The following KCNN3 variants were observed in gnomAD, a reference collection of about 807,000 sequenced individuals.
The protein encoded by KCNN3 is potassium calcium-activated channel subfamily N member 3, also known as small conductance calcium-activated potassium channel protein 3.
Under a neutral mutation model 62.9 loss-of-function variants are expected in KCNN3, and 16 were observed. The observed-to-expected ratio is 0.25, with a 90% CI of 0.17 to 0.39. KCNN3 has a LOEUF of 0.39. Among genes scored for constraint, KCNN3 ranks in the 10% least tolerant of loss-of-function variants. KCNN3 has a pLI of 1.00. For synonymous variants in KCNN3, 370 were observed against 389.2 expected (o/e 0.95, Z 0.58); for missense variants, 599 against 949.4 (o/e 0.63, Z 4.85).
rs1347701867 is a variant in KCNN3, at chr1:154,870,104, G to T, written c.-140C>A. On this transcript the variant is annotated 5_prime_UTR_variant, in exon 1 of 8. Transcript: ENST00000271915. ...TCCAGTCCTCTCTTTGGCTTGCTTC[G>T]GTTCTCTGGGGCTGCCTGGAGTCCA... is the stretch of plus-strand genomic sequence containing the variant. 3 of 987,352 alleles carry T rather than the reference G, an allele frequency of 3.0e-6. No individual in the cohort carries two copies. Among genetic ancestry groups the T allele is most frequent in the African/African-American group, 1.6e-5 (1 of 62,176 alleles). The allele number at this position is 987,352 out of a possible 1,614,324, so 61.2% of individuals were successfully genotyped here. A position where few individuals can be genotyped will look rare whatever the true frequency, so the allele number is the denominator to read the frequency against.
chr1:154,714,753 A>G lies in KCNN3; in HGVS notation c.1829+123T>C. On this transcript the variant is annotated intron_variant, in intron 6 of 7. Transcript: ENST00000271915. ...GTGCAGTCAGTGAGTGATCAGACCC[A>G]GTTCACCACTCCACTTGTTGAGTGG... 2.2e-6 allele frequency: 3 copies of G among 1,356,058 alleles called. No homozygotes were observed. In the Admixed American group the frequency reaches 5.1e-5, roughly 23 times the overall value. 84.0% of individuals were successfully genotyped at this position (1,356,058 alleles called of 1,614,324 possible).
chr1:154,720,582 TC>T (rs1553227544), intron 5 of KCNN3, among the ~76,000 whole-genome samples: 22 of 152,266 alleles, frequency 1.4e-4, no homozygotes, highest in Non-Finnish European at 3.1e-4. Flanking sequence ...AAGAAAATTT[TC>T]TTCTAGCAAG....
At chr1:154,843,596 G>A (rs1378593935) in intron 1 of KCNN3, among the ~76,000 whole-genome samples, 5 of 152,188 alleles carry the variant, frequency 3.3e-5, no homozygotes, top group Non-Finnish European at 5.9e-5. Flanking sequence ...CAAGGTTAGC[G>A]AGTATGCAGG....
intron 1 of KCNN3, among the ~76,000 whole-genome samples, chr1:154,851,602 C>A (rs1220129592): frequency 6.6e-6 from 1 of 152,196 alleles, no homozygotes; most frequent in Non-Finnish European, 1.5e-5. Flanking sequence ...CCCTTTCTCT[C>A]ACCACTGCCT....
chr1:154,795,403 C>T (rs1346299610), intron 2 of KCNN3, among the ~76,000 whole-genome samples: 3 of 152,174 alleles, frequency 2.0e-5, no homozygotes, highest in Admixed American at 6.5e-5. Flanking sequence ...GTGGTAGTGT[C>T]GAGTCCCCCA....
intron 5 of KCNN3, among the ~76,000 whole-genome samples, chr1:154,720,881 G>A (rs988296471): frequency 9.9e-5 from 15 of 152,248 alleles, no homozygotes; most frequent in East Asian, 3.9e-4. Flanking sequence ...GCGGGCATGC[G>A]TGAACAGCCA....
intron 1 of KCNN3, among the ~76,000 whole-genome samples, chr1:154,826,599 CT>C (rs1651144718): frequency 6.6e-6 from 1 of 151,712 alleles, no homozygotes; most frequent in Non-Finnish European, 1.5e-5. Flanking sequence ...CCACGCCTTG[CT>C]GGCCCTCCAA....
At chr1:154,788,519 C>A (rs1649380308) in intron 2 of KCNN3, among the ~76,000 whole-genome samples, 1 of 152,194 alleles carries the variant, frequency 6.6e-6, no homozygotes, top group African/African-American at 2.4e-5. Flanking sequence ...CTGGGAAATG[C>A]AGGGTGTGAG....
intron 2 of KCNN3, among the ~76,000 whole-genome samples, chr1:154,787,220 G>A (rs546502012): frequency 1.6e-4 from 25 of 152,360 alleles, no homozygotes; most frequent in Admixed American, 1.2e-3. Context: ...GGCCCACTCC[G>A]CTCCCCCACT....
At chr1:154,712,095 AG>A (rs2101760034) in intron 7 of KCNN3, among the ~76,000 whole-genome samples, 1 of 152,274 alleles carries the variant, frequency 6.6e-6, no homozygotes, top group African/African-American at 2.4e-5. Flanking sequence ...CTTAAACAGA[AG>A]GACAGAGAAG....
chr1:154,722,176 T>C (rs1253590466), intron 5 of KCNN3, among the ~76,000 whole-genome samples: 1 of 152,164 alleles, frequency 6.6e-6, no homozygotes, highest in Non-Finnish European at 1.5e-5. Context: ...TTTGAGTATT[T>C]TCTATGATTA....
intron 1 of KCNN3, among the ~76,000 whole-genome samples, chr1:154,868,657 G>T (rs1395817605): frequency 6.6e-6 from 1 of 152,108 alleles, no homozygotes; most frequent in African/African-American, 2.4e-5. Flanking sequence ...TTATGCTTTA[G>T]TACGAGTGAG....
At chr1:154,852,239 G>A (rs1391277863) in intron 1 of KCNN3, among the ~76,000 whole-genome samples, 2 of 143,422 alleles carry the variant, frequency 1.4e-5, no homozygotes, top group Non-Finnish European at 3.2e-5. Flanking sequence ...GGGAGTCAGG[G>A]TCTTGCTCTG....
At chr1:154,716,266 CTTA>C (rs1196444163) in intron 5 of KCNN3, among the ~76,000 whole-genome samples, 1 of 152,234 alleles carries the variant, frequency 6.6e-6, no homozygotes, top group Non-Finnish European at 1.5e-5. Flanking sequence ...GAAAACATTC[CTTA>C]TTAAGCACAT....
At chr1:154,725,372 A>T (rs1419748599) in intron 5 of KCNN3, among the ~76,000 whole-genome samples, 1 of 152,170 alleles carries the variant, frequency 6.6e-6, no homozygotes, top group Admixed American at 6.5e-5. Flanking sequence ...TATTAATTAA[A>T]TTACCAGGAA....
chr1:154,756,160 A>AAGAAG lies in KCNN3; in HGVS notation c.1448+15810_1448+15814dup, dbSNP rs145867159. On this transcript the variant is annotated intron_variant, in intron 3 of 7. Coordinates refer to ENST00000271915, the MANE Select transcript of KCNN3 (RefSeq NM_002249.6). ...GAAGAGGAGGAAGAAGAAGGAGGAG[A>AAGAAG]AGAAGAAGAGAAGAAGAGGTGGAGG... 6.1e-4 allele frequency among the ~76,000 whole-genome samples: 72 copies of AAGAAG among 117,808 alleles called. 1 individual carries two copies. The highest frequency in any genetic ancestry group is 1.0e-3 in the Non-Finnish European group (59 of 57,536). The allele number at this position is 117,808 out of a possible 152,430, so 77.3% of individuals were successfully genotyped here. A position where few individuals can be genotyped will look rare whatever the true frequency, so the allele number is the denominator to read the frequency against.
At chr1:154,848,804 G>T (rs180744799) in intron 1 of KCNN3, among the ~76,000 whole-genome samples, 1 of 152,056 alleles carries the variant, frequency 6.6e-6, no homozygotes, top group Non-Finnish European at 1.5e-5. Flanking sequence ...TAATATCCGC[G>T]GCAGGCCCTT....
intron 2 of KCNN3, among the ~76,000 whole-genome samples, chr1:154,798,143 T>C (rs1481835027): frequency 2.0e-5 from 3 of 152,222 alleles, no homozygotes; most frequent in South Asian, 4.2e-4. Context: ...CAGCAACTGG[T>C]AGCCCCACTT....
intron 2 of KCNN3, among the ~76,000 whole-genome samples, chr1:154,786,487 A>G (rs532728712): frequency 1.3e-5 from 2 of 152,358 alleles, no homozygotes; most frequent in African/African-American, 4.8e-5. Flanking sequence ...AAGTGGATCT[A>G]TATGTATTGA....
Sources: gnomAD v4.1 joint callset for allele counts (sites outside exome capture counted in the v4.1 genomes callset) on GRCh38, gnomAD v4.1.1 for gene constraint, MANE v1.5 for transcripts, NCBI Gene and HGNC (gene_info 2026-07-23, HGNC 2026-07-21) for gene names.